The following NCALD variants were observed in gnomAD, a reference collection of about 807,000 sequenced individuals.
The protein encoded by NCALD is neurocalcin delta.
A neutral mutation model predicts 18.6 loss-of-function variants in NCALD; 10 were observed. The ratio of observed to expected loss-of-function variants is 0.54; its 90% CI spans 0.33 to 0.91. The LOEUF is 0.91. NCALD is among the 40% of genes least tolerant of loss of function. NCALD has a pLI of 0.03. For synonymous variants in NCALD, 88 were observed against 87.4 expected, an observed-to-expected ratio of 1.01 and a Z score of -0.04; for missense variants, 184 against 247.6, an observed-to-expected ratio of 0.74 and a Z score of 1.72.
intron 2 of NCALD, among the ~76,000 whole-genome samples, chr8:101,708,715 A>G (rs1815644643): frequency 6.6e-6 from 1 of 152,186 alleles, no homozygotes; most frequent in Non-Finnish European, 1.5e-5. Context: ...TGTAGGTACT[A>G]AGGGAGCAGA....
intron 4 of NCALD, among the ~76,000 whole-genome samples, chr8:101,826,887 A>AAGAC (rs138000376): frequency 0.041 from 6,184 of 152,242 alleles, 307 homozygotes; most frequent in East Asian, 0.12. Context: ...GACAAATCTA[A>AAGAC]AGACAATGTA....
intron 3 of NCALD, among the ~76,000 whole-genome samples, chr8:101,896,696 G>C (rs1817191314): frequency 6.7e-6 from 1 of 149,392 alleles, no homozygotes; most frequent in South Asian, 2.1e-4. Context: ...CCATCAAAAA[G>C]TGGGTGAAGG....
At chr8:102,009,723 G>A (rs1217783449) in intron 2 of NCALD, among the ~76,000 whole-genome samples, 2 of 152,156 alleles carry the variant, frequency 1.3e-5, no homozygotes, top group African/African-American at 2.4e-5. Context: ...ATGTTCTATT[G>A]GAGCAGTTTA....
chr8:102,003,550 T>C (rs1279148339), intron 2 of NCALD, among the ~76,000 whole-genome samples: 3 of 152,292 alleles, frequency 2.0e-5, no homozygotes, highest in East Asian at 3.9e-4. Context: ...ATCATCCTGA[T>C]ACCAAAGCCT....
intron 1 of NCALD, among the ~76,000 whole-genome samples, chr8:101,751,276 A>G (rs1810646206): frequency 6.6e-6 from 1 of 152,158 alleles, no homozygotes; most frequent in Non-Finnish European, 1.5e-5. Context: ...TATATGAGGT[A>G]CCTAGAATGG....
intron 1 of NCALD, among the ~76,000 whole-genome samples, chr8:101,756,046 G>A (rs1461034021): frequency 6.6e-6 from 1 of 151,402 alleles, no homozygotes; most frequent in Non-Finnish European, 1.5e-5. Context: ...GACGGGACCT[G>A]CCAGAGATTA....
At chr8:101,739,104 C>T (rs1002407304) in intron 1 of NCALD, among the ~76,000 whole-genome samples, 1 of 152,014 alleles carries the variant, frequency 6.6e-6, no homozygotes, top group Non-Finnish European at 1.5e-5. Context: ...ATCCAGGATC[C>T]TCTCATATCT....
chr8:101,697,536 A>G (rs1301522132), intron 2 of NCALD, among the ~76,000 whole-genome samples: 1 of 152,222 alleles, frequency 6.6e-6, no homozygotes, highest in Non-Finnish European at 1.5e-5. Flanking sequence ...CATCGATGGA[A>G]GAATCCTCAA....
chr8:102,123,107 C>A (rs1825990653), intron 1 of NCALD, among the ~76,000 whole-genome samples: 1 of 152,226 alleles, frequency 6.6e-6, no homozygotes, highest in Admixed American at 6.5e-5. Flanking sequence ...CAAGCATTTC[C>A]ACTTAGGTCT....
At chr8:101,821,380 C>T (rs1364039088) in intron 4 of NCALD, among the ~76,000 whole-genome samples, 1 of 152,094 alleles carries the variant, frequency 6.6e-6, no homozygotes, top group East Asian at 1.9e-4. Context: ...TTACAATGAC[C>T]TTTGATAGGT....
In NCALD at chr8:102,096,099, A is replaced by G. The variant is rs182316246; in HGVS notation, c.-210+28138T>C. On this transcript the variant is annotated intron_variant, in intron 1 of 6. Transcript: ENST00000311028. ...GCACTAAAGGGCAGAAAACTGATCC[A>G]AAGATCCAAAAGGTAAGTTCAAAGA... Among the ~76,000 whole-genome samples, 270 of 152,356 alleles carry G rather than the reference A, an allele frequency of 1.8e-3. 3 individuals are homozygous for G. The highest frequency in any genetic ancestry group is 6.2e-3 in the African/African-American group (257 of 41,582).
intron 4 of NCALD, among the ~76,000 whole-genome samples, chr8:101,848,293 G>C (rs1177858996): frequency 1.3e-5 from 2 of 152,114 alleles, no homozygotes; most frequent in Non-Finnish European, 2.9e-5. Context: ...CAATTTATGG[G>C]GAGAATAGGA....
upstream of NCALD, among the ~76,000 whole-genome samples, chr8:101,793,347 C>T (rs1268893246): frequency 1.5e-5 from 2 of 137,018 alleles, no homozygotes; most frequent in East Asian, 4.2e-4. Context: ...GAGACTCCGT[C>T]TCAAAAAAAA....
At chr8:101,801,062 A>AAAAGGG (rs1022386185) in intron 4 of NCALD, among the ~76,000 whole-genome samples, 2 of 151,872 alleles carry the variant, frequency 1.3e-5, no homozygotes, top group African/African-American at 4.8e-5. Context: ...AAGGAAAAGG[A>AAAAGGG]AAAGGGAAAG....
chr8:102,031,691 CAAT>C (rs1210816040), intron 1 of NCALD, among the ~76,000 whole-genome samples: 2 of 151,876 alleles, frequency 1.3e-5, no homozygotes, highest in Non-Finnish European at 2.9e-5. Context: ...GTAAATAAGG[CAAT>C]AATAATTCCT....
At chr8:102,093,791 C>A (rs1032801835) in intron 1 of NCALD, among the ~76,000 whole-genome samples, 4 of 152,180 alleles carry the variant, frequency 2.6e-5, no homozygotes, top group African/African-American at 9.7e-5. Context: ...GCAAATAAAA[C>A]ACACCCTTGT....
intron 4 of NCALD, among the ~76,000 whole-genome samples, chr8:101,799,240 A>G (rs1020710259): frequency 2.6e-5 from 4 of 152,232 alleles, no homozygotes; most frequent in African/African-American, 9.6e-5. Context: ...AGTTAAAACC[A>G]TAATGAGATC....
chr8:102,065,225 T>G (rs1002863913), intron 1 of NCALD, among the ~76,000 whole-genome samples: 2 of 151,652 alleles, frequency 1.3e-5, no homozygotes, highest in Non-Finnish European at 2.9e-5. Flanking sequence ...AAAGTCACAT[T>G]ACTTGGTCCT....
intron 1 of NCALD, among the ~76,000 whole-genome samples, chr8:101,744,232 G>T (rs1810333778): frequency 6.6e-6 from 1 of 152,124 alleles, no homozygotes; most frequent in Admixed American, 6.5e-5. Context: ...ATCTACTGCA[G>T]GCAGGGAAGC....
Sources: allele counts gnomAD v4.1 joint callset (sites outside exome capture counted in the v4.1 genomes callset), GRCh38; gene constraint gnomAD v4.1.1; transcripts MANE v1.5; gene names NCBI Gene and HGNC (gene_info 2026-07-23, HGNC 2026-07-21).